Variants in FHOD3 observed in about 807,000 individuals in gnomAD.
FHOD3 encodes FH1/FH2 domain-containing protein 3.
A neutral mutation model predicts 173.0 loss-of-function variants in FHOD3; 90 were observed. The observed-to-expected ratio is 0.52, with a 90% CI of 0.44 to 0.62. The LOEUF (loss-of-function observed/expected upper bound fraction) is 0.62, where lower values mean the gene tolerates loss of function less well. FHOD3 is among the 20% of genes least tolerant of loss of function. The pLI is 0.00. For synonymous variants in FHOD3, 828 were observed against 823.0 expected (o/e 1.01, Z -0.10); for missense variants, 1,945 against 2,034.7 (o/e 0.96, Z 0.85).
chr18:36,642,806 A>G (rs561818082), intron 10 of FHOD3, among the ~76,000 whole-genome samples: 10 of 151,940 alleles, frequency 6.6e-5, no homozygotes, highest in Non-Finnish European at 1.3e-4. Flanking sequence ...GTGCTTCCCA[A>G]TCTCCCATCC....
rs1600701585 is a variant in FHOD3, at chr18:36,780,193, A to G, written c.*663A>G. On this transcript the variant is annotated 3_prime_UTR_variant, in exon 29 of 29. Transcript: ENST00000590592. The stretch of plus-strand genomic sequence containing the variant: ...ACGGCCTTCAGATCCTTTGGGCTGT[A>G]TTTTGTTAATAGAGTGAGTAACATC... 2 of 1,231,656 alleles carry G rather than the reference A, an allele frequency of 1.6e-6. No individual in the cohort carries two copies. The highest frequency in any genetic ancestry group is 2.0e-6 in the Non-Finnish European group (2 of 988,004). The allele number at this position is 1,231,656 out of a possible 1,614,324, so 76.3% of individuals were successfully genotyped here. A position where few individuals can be genotyped will look rare whatever the true frequency, so the allele number is the denominator to read the frequency against.
At chr18:36,533,347 CT>C (rs1176877336) in intron 5 of FHOD3, among the ~76,000 whole-genome samples, 1 of 152,198 alleles carries the variant, frequency 6.6e-6, no homozygotes, top group Non-Finnish European at 1.5e-5. Flanking sequence ...ACTAACACAG[CT>C]AGAAGGGACA....
chr18:36,569,809 C>G (rs1041060117), intron 5 of FHOD3, among the ~76,000 whole-genome samples: 1 of 152,040 alleles, frequency 6.6e-6, no homozygotes, highest in Non-Finnish European at 1.5e-5. Context: ...TAGAAATTAA[C>G]ACACTTCTAA....
rs191799277 is a variant in FHOD3 at position 36,407,243 on chromosome 18, A to G, written c.337+34499A>G. ...TGGCTTGAGAGGGCTTTATAAGGCC[A>G]CAGAGCTTTTTTGGGTGATTCCAAC... On this transcript the variant is annotated intron_variant, in intron 3 of 28. Coordinates refer to ENST00000590592, the MANE Select transcript of FHOD3 (RefSeq NM_001281740.3). Among the ~76,000 whole-genome samples the G allele has an allele frequency of 1.9e-3, 284 of 152,350 alleles. 1 individual carries two copies. Among genetic ancestry groups the G allele is most frequent in the Admixed American group, 2.9e-3 (45 of 15,306 alleles).
intron 10 of FHOD3, among the ~76,000 whole-genome samples, chr18:36,647,784 C>G (rs1482493830): frequency 6.6e-6 from 1 of 152,144 alleles, no homozygotes; most frequent in African/African-American, 2.4e-5. Flanking sequence ...GTCAATGAAT[C>G]CCACAGCTGT....
chr18:36,575,261 G>A (rs557325084), intron 5 of FHOD3, among the ~76,000 whole-genome samples: 1 of 152,330 alleles, frequency 6.6e-6, no homozygotes, highest in Non-Finnish European at 1.5e-5. Context: ...ATGAGCCACT[G>A]TGCCCAGCCA....
At chr18:36,687,769 T>C (rs2038719267) in intron 16 of FHOD3, among the ~76,000 whole-genome samples, 1 of 152,230 alleles carries the variant, frequency 6.6e-6, no homozygotes, top group African/African-American at 2.4e-5. Flanking sequence ...CCAACAGCTT[T>C]ATTTAAAATA....
intron 3 of FHOD3, among the ~76,000 whole-genome samples, chr18:36,406,760 T>A (rs1389652441): frequency 6.6e-6 from 1 of 152,178 alleles, no homozygotes; most frequent in Non-Finnish European, 1.5e-5. Flanking sequence ...TAAACCACTT[T>A]CATGGACTGG....
At chr18:36,467,926 G>GAAAC (rs2053042287) in intron 3 of FHOD3, among the ~76,000 whole-genome samples, 1 of 152,180 alleles carries the variant, frequency 6.6e-6, no homozygotes, top group African/African-American at 2.4e-5. Context: ...TCGAGAAGTG[G>GAAAC]GTCCAAATGT....
At chr18:36,385,587 G>T (rs946744966) in intron 3 of FHOD3, among the ~76,000 whole-genome samples, 2 of 152,118 alleles carry the variant, frequency 1.3e-5, no homozygotes, top group African/African-American at 4.8e-5. Context: ...CGTAGAGACA[G>T]GGTTTCACCA....
chr18:36,675,263 A>G (rs778772278), intron 14 of FHOD3, among the ~76,000 whole-genome samples: 32 of 151,484 alleles, frequency 2.1e-4, no homozygotes, highest in Admixed American at 7.9e-4. Context: ...TGCCACTCAC[A>G]TGTCTCAGTC....
intron 3 of FHOD3, among the ~76,000 whole-genome samples, chr18:36,375,176 C>T (rs1003921580): frequency 6.6e-6 from 1 of 152,120 alleles, no homozygotes; most frequent in Non-Finnish European, 1.5e-5. Context: ...GATGAGATTT[C>T]TTATGGATAA....
intron 10 of FHOD3, among the ~76,000 whole-genome samples, chr18:36,637,009 T>C (rs987876623): frequency 3.9e-5 from 6 of 152,184 alleles, no homozygotes; most frequent in Admixed American, 3.3e-4. Context: ...TGAAGTACCT[T>C]GGACTCTACC....
intron 1 of FHOD3, among the ~76,000 whole-genome samples, chr18:36,331,269 T>C (rs1385644632): frequency 6.6e-6 from 1 of 152,248 alleles, no homozygotes; most frequent in Non-Finnish European, 1.5e-5. Flanking sequence ...GTTTTAGTCC[T>C]CTCTCAGCCT....
In FHOD3 at chr18:36,622,014, G is replaced by A. The variant is rs568897474; in HGVS notation, c.958-3497G>A. 7.9e-5 allele frequency among the ~76,000 whole-genome samples: 12 copies of A among 152,274 alleles called. No individual in the cohort carries two copies. The South Asian group carries it at 1.0e-3, about 13-fold the overall frequency. ...AATGGAATATTTTCAGTCTTAAGAC[G>A]GAAATCTTGACATTTCCTACAACTT... On this transcript the variant is annotated intron_variant, in intron 9 of 28. Coordinates refer to ENST00000590592, the MANE Select transcript of FHOD3 (RefSeq NM_001281740.3).
intron 27 of FHOD3, 130 bp from the exon 28 acceptor site, chr18:36,769,135 G>C: frequency 6.7e-6 from 7 of 1,046,804 alleles, no homozygotes; most frequent in Admixed American, 4.6e-5. Context: ...CACTAGCTCT[G>C]GGGCTTTAAC....
At chr18:36,465,376 A>ATGATGT (rs1568307819) in intron 3 of FHOD3, among the ~76,000 whole-genome samples, 2 of 152,134 alleles carry the variant, frequency 1.3e-5, no homozygotes, top group Non-Finnish European at 2.9e-5. Flanking sequence ...AGCACAAGCA[A>ATGATGT]TGATGTTCGT....
chr18:36,450,603 GC>G (rs1264787376), intron 3 of FHOD3, among the ~76,000 whole-genome samples: 1 of 151,842 alleles, frequency 6.6e-6, no homozygotes, highest in Non-Finnish European at 1.5e-5. Context: ...ACCAGCCTGG[GC>G]AACATGGTGA....
In FHOD3 at chr18:36,355,627, G is replaced by A. The variant is rs768664285; in HGVS notation, c.254G>A (p.Gly85Asp). ...TLAEQRDELE[G>D]FQDDAGRGKK... ...GCAGAGCAGCGGGATGAGTTGGAAG[G>A]CTTCCAGGATGACGCCGGGTAAGAG... The change falls in exon 2 of 29, where the codon GGC (glycine) becomes GAC (aspartate). Residue 85 changes from glycine (G) to aspartate (D), a missense_variant. Gly to Asp is a moderately conservative substitution (Grantham distance 94, BLOSUM62 -1). Transcript: ENST00000590592. 1.9e-6 allele frequency: 3 copies of A among 1,614,008 alleles called. No homozygotes were observed. The African/African-American group carries it at 4.0e-5, about 22-fold the overall frequency.
Sources: allele counts gnomAD v4.1 joint callset (sites outside exome capture counted in the v4.1 genomes callset), GRCh38; gene constraint gnomAD v4.1.1; transcripts MANE v1.5; gene names NCBI Gene and HGNC (gene_info 2026-07-23, HGNC 2026-07-21).